The following TPMT variants were observed in gnomAD, a reference collection of about 807,000 sequenced individuals.
The protein encoded by TPMT is S-adenosyl-L-methionine:thiopurine S-methyltransferase.
In TPMT, 18 loss-of-function variants were observed where a neutral mutation model predicts 34.2. That is an observed-to-expected ratio of 0.53 (90% CI 0.36 to 0.78). The LOEUF (loss-of-function observed/expected upper bound fraction) is 0.78. TPMT is among the 30% of genes least tolerant of loss of function. The pLI, the probability that TPMT is intolerant of heterozygous loss-of-function variation, is 0.00. For synonymous variants in TPMT, 69 were observed against 92.4 expected (o/e 0.75, Z 1.45); for missense variants, 265 against 288.1 (o/e 0.92, Z 0.58).
At chr6:18,142,015 C>T (rs914476387) in intron 4 of TPMT, among the ~76,000 whole-genome samples, 12 of 152,024 alleles carry the variant, frequency 7.9e-5, no homozygotes, top group East Asian at 3.9e-4. Flanking sequence ...TAGGGTGGGG[C>T]GACCAGCCTT....
In TPMT at chr6:18,145,335, C is replaced by T. The variant is rs145771783; in HGVS notation, c.234-1607G>A. 3.3e-5 allele frequency among the ~76,000 whole-genome samples: 5 copies of T among 152,260 alleles called. No homozygotes were observed. Among genetic ancestry groups the T allele is most frequent in the African/African-American group, 7.2e-5 (3 of 41,560 alleles). Reference sequence around the variant, plus strand: ...ATAAATACTACAATATGGCACTTTACGGTGAAAAAGACCTAATGCTCACTA... The same window carrying T: ...ATAAATACTACAATATGGCACTTTATGGTGAAAAAGACCTAATGCTCACTA... On this transcript the variant is annotated intron_variant, in intron 3 of 8. Coordinates refer to ENST00000309983, the MANE Select transcript of TPMT (RefSeq NM_000367.5). The surrounding 1 kb of genome is among the most constrained non-coding windows in gnomAD (Gnocchi z 5.6).
At chr6:18,141,339 ATTTTT>A (rs531739139) in intron 4 of TPMT, among the ~76,000 whole-genome samples, 1 of 137,960 alleles carries the variant, frequency 7.2e-6, no homozygotes, top group African/African-American at 2.7e-5. Context: ...CTGAGCAACA[ATTTTT>A]TTTTTTTTTT....
Position 18,149,809 on chromosome 6 carries a change from T to C in TPMT, c.-44-638A>G, listed in dbSNP as rs1158331369. ...AGTGATAACAAAAAATTACTTTCAG[T>C]GCGTCTGGTGGTAGAATAATACCCC... is the stretch of plus-strand genomic sequence containing the variant. On this transcript the variant is annotated intron_variant, in intron 1 of 8. Transcript: ENST00000309983. This position sits in a 1 kb window ranked among gnomAD's most constrained non-coding sequence, Gnocchi z 5.0. Among the ~76,000 whole-genome samples the C allele has an allele frequency of 6.6e-6, 1 of 152,194 alleles. No individual in the cohort carries two copies. The highest frequency in any genetic ancestry group is 2.4e-5 in the African/African-American group (1 of 41,448).
rs1325593982 is a variant in TPMT, at chr6:18,140,839, A to G, written c.367-1122T>C. Among the ~76,000 whole-genome samples the G allele has an allele frequency of 6.6e-6, 1 of 152,120 alleles. No individual in the cohort carries two copies. Among genetic ancestry groups the G allele is most frequent in the Non-Finnish European group, 1.5e-5 (1 of 68,010 alleles). On this transcript the variant is annotated intron_variant, in intron 4 of 8. Coordinates refer to ENST00000309983, the MANE Select transcript of TPMT (RefSeq NM_000367.5). The surrounding 1 kb of genome is among the most constrained non-coding windows in gnomAD (Gnocchi z 4.7). The stretch of plus-strand genomic sequence containing the variant: ...GAGGGGGCAATATAACATAGACTTT[A>G]GGATCCTGGGAGCTGGGGTGAAGGG...
chr6:18,130,588 C>A lies in TPMT; in HGVS notation c.*80G>T, dbSNP rs1040880060. On this transcript the variant is annotated 3_prime_UTR_variant, in exon 9 of 9. Coordinates refer to ENST00000309983, the MANE Select transcript of TPMT (RefSeq NM_000367.5). The surrounding 1 kb of genome is among the most constrained non-coding windows in gnomAD (Gnocchi z 4.2). The stretch of plus-strand genomic sequence containing the variant: ...TTTATAAACAATTTTAAAAATTCAT[C>A]CATTACATTTTCAGGCTTTAGCATA... 2.1e-6 allele frequency: 2 copies of A among 943,142 alleles called. No individual in the cohort carries two copies. Among genetic ancestry groups the A allele is most frequent in the East Asian group, 5.0e-5 (2 of 40,094 alleles). The allele number at this position is 943,142 out of a possible 1,614,324, so 58.4% of individuals were successfully genotyped here. A position where few individuals can be genotyped will look rare whatever the true frequency, so the allele number is the denominator to read the frequency against.
At chr6:18,134,035 C>T in intron 6 of TPMT, 146 bp from the exon 7 acceptor site, 2 of 694,280 alleles carry the variant, frequency 2.9e-6, no homozygotes, top group South Asian at 3.4e-5. Flanking sequence ...GGTTGATTCT[C>T]ATTTTAAAAG....
In TPMT at chr6:18,129,479, A is replaced by G. The variant is rs1421320767; in HGVS notation, c.*1189T>C. On this transcript the variant is annotated 3_prime_UTR_variant, in exon 9 of 9. Transcript: ENST00000309983. Reference sequence around the variant, plus strand: ...CACACACACACGTAACTCGTTTTTTATAATACACAACCATCCTATTAACAT... The same window carrying G: ...CACACACACACGTAACTCGTTTTTTGTAATACACAACCATCCTATTAACAT... 1 of 152,200 alleles carries G rather than the reference A, an allele frequency of 6.6e-6. No individual in the cohort carries two copies. Among genetic ancestry groups the G allele is most frequent in the African/African-American group, 2.4e-5 (1 of 41,448 alleles). The allele number at this position is 152,200 out of a possible 1,614,324, so 9.4% of individuals were successfully genotyped here.
Position 18,139,132 on chromosome 6 carries a change from T to A in TPMT, c.420-95A>T, listed in dbSNP as rs1784094698. 9.2e-7 allele frequency: 1 copy of A among 1,092,214 alleles called. No individual in the cohort carries two copies. The highest frequency in any genetic ancestry group is 1.7e-5 in the Admixed American group (1 of 58,640). 67.7% of individuals were successfully genotyped at this position (1,092,214 alleles called of 1,614,324 possible). ...ATGGTGCATGCTGGTACTTCAACAA[T>A]CGTCAAGGTATTAGGATCTCACGTC... On this transcript the variant is annotated intron_variant, in intron 5 of 8. Coordinates refer to ENST00000309983, the MANE Select transcript of TPMT (RefSeq NM_000367.5). The surrounding 1 kb of genome is among the most constrained non-coding windows in gnomAD (Gnocchi z 4.2).
At chr6:18,144,342 T>C (rs917373351) in intron 3 of TPMT, among the ~76,000 whole-genome samples, 121 of 152,352 alleles carry the variant, frequency 7.9e-4, no homozygotes, top group African/African-American at 2.7e-3. Context: ...TATTTTATCA[T>C]ATACAAATAG....
At position 18,132,015 on chromosome 6, in the gene TPMT, G is replaced by C; in HGVS notation, c.625+118C>G. ...TGGTCTCGAACTCCTGGCCTCAGGTGATCTGCCCACCTTGGCCTCCCAAAG... is the reference window on the plus strand; with the variant it reads ...TGGTCTCGAACTCCTGGCCTCAGGTCATCTGCCCACCTTGGCCTCCCAAAG... On this transcript the variant is annotated intron_variant, in intron 8 of 8. Transcript: ENST00000309983. The surrounding 1 kb of genome is among the most constrained non-coding windows in gnomAD (Gnocchi z 4.8). 2 of 1,038,606 alleles carry C rather than the reference G, an allele frequency of 1.9e-6. No homozygotes were observed. Among genetic ancestry groups the C allele is most frequent in the Non-Finnish European group, 3.0e-6 (2 of 670,226 alleles). The allele number at this position is 1,038,606 out of a possible 1,614,324, so 64.3% of individuals were successfully genotyped here.
In TPMT at chr6:18,139,461, A is replaced by G. The variant is rs1418023235; in HGVS notation, c.419+204T>C. Among the ~76,000 whole-genome samples the G allele has an allele frequency of 6.6e-6, 1 of 152,170 alleles. No homozygotes were observed. The highest frequency in any genetic ancestry group is 1.5e-5 in the Non-Finnish European group (1 of 68,026). On this transcript the variant is annotated intron_variant, in intron 5 of 8. Transcript: ENST00000309983. This position sits in a 1 kb window ranked among gnomAD's most constrained non-coding sequence, Gnocchi z 4.2. ...TTCCCTAGCTGCCTCAGTTTCCCAT[A>G]GTTTGGGAGCTAACCAAAGACAAAA...
rs1373431498 is a variant in TPMT, at chr6:18,145,371, G to C, written c.234-1643C>G. 6.6e-6 allele frequency among the ~76,000 whole-genome samples: 1 copy of C among 152,188 alleles called. No homozygotes were observed. Among genetic ancestry groups the C allele is most frequent in the Admixed American group, 6.5e-5 (1 of 15,280 alleles). On this transcript the variant is annotated intron_variant, in intron 3 of 8. Transcript: ENST00000309983. The surrounding 1 kb of genome is among the most constrained non-coding windows in gnomAD (Gnocchi z 5.6). Reference sequence around the variant, plus strand: ...ACCTAATGCTCACTAAGGTAGCTGGGGGATGTTGGTGCATTCCATCTATTC... The same window carrying C: ...ACCTAATGCTCACTAAGGTAGCTGGCGGATGTTGGTGCATTCCATCTATTC...
rs767812417 is a variant in TPMT at position 18,139,079 on chromosome 6, A to G, written c.420-42T>C. On this transcript the variant is annotated intron_variant, in intron 5 of 8. Coordinates refer to ENST00000309983, the MANE Select transcript of TPMT (RefSeq NM_000367.5). This position sits in a 1 kb window ranked among gnomAD's most constrained non-coding sequence, Gnocchi z 4.2. ...AAACATTTTATGGGAGAAAAATCAA[A>G]TCTTTAAGAAGATGAGCAGCGTCCC... 30 of 1,561,950 alleles carry G rather than the reference A, an allele frequency of 1.9e-5. No individual in the cohort carries two copies. The Admixed American group carries it at 4.3e-4, about 23-fold the overall frequency.
At chr6:18,137,468 C>T (rs1014007133) in intron 6 of TPMT, among the ~76,000 whole-genome samples, 2 of 152,126 alleles carry the variant, frequency 1.3e-5, no homozygotes, top group Non-Finnish European at 2.9e-5. Flanking sequence ...CTGCTCCATA[C>T]AACTAAGTAA....
chr6:18,132,741 T>G lies in TPMT; in HGVS notation c.581-564A>C, dbSNP rs1324794690. Reference sequence around the variant, plus strand: ...TTCCATTTGATTGTCTCTGATTTAATTAGGGACACTAGGTCTCATCTTTTA... The same window carrying G: ...TTCCATTTGATTGTCTCTGATTTAAGTAGGGACACTAGGTCTCATCTTTTA... On this transcript the variant is annotated intron_variant, in intron 7 of 8. Coordinates refer to ENST00000309983, the MANE Select transcript of TPMT (RefSeq NM_000367.5). This position sits in a 1 kb window ranked among gnomAD's most constrained non-coding sequence, Gnocchi z 4.8. 6.6e-6 allele frequency among the ~76,000 whole-genome samples: 1 copy of G among 152,082 alleles called. No individual in the cohort carries two copies. Among genetic ancestry groups the G allele is most frequent in the Non-Finnish European group, 1.5e-5 (1 of 68,024 alleles).
rs1784254421 is a variant in TPMT at position 18,146,743 on chromosome 6, C to T, written c.233+1080G>A. On this transcript the variant is annotated intron_variant, in intron 3 of 8. Coordinates refer to ENST00000309983, the MANE Select transcript of TPMT (RefSeq NM_000367.5). The surrounding 1 kb of genome is among the most constrained non-coding windows in gnomAD (Gnocchi z 6.2). ...TATGTCATAATATAGTTTAAATATT[C>T]TCAATTTCATGACCACACTTGAATC... Among the ~76,000 whole-genome samples the T allele has an allele frequency of 6.6e-6, 1 of 151,986 alleles. No homozygotes were observed. Among genetic ancestry groups the T allele is most frequent in the African/African-American group, 2.4e-5 (1 of 41,374 alleles).
At position 18,135,816 on chromosome 6, in the gene TPMT, C is replaced by T. The variant is rs931082762; in HGVS notation, c.495-1927G>A. Among the ~76,000 whole-genome samples, 2 of 152,022 alleles carry T rather than the reference C, an allele frequency of 1.3e-5. No homozygotes were observed. The highest frequency in any genetic ancestry group is 2.9e-5 in the Non-Finnish European group (2 of 67,994). Reference sequence around the variant, plus strand: ...CCCAGAAGGCAGGGGTTGCAGTGAGCCGAGATCATGCCATTGCACTCCAGC... The same window carrying T: ...CCCAGAAGGCAGGGGTTGCAGTGAGTCGAGATCATGCCATTGCACTCCAGC... On this transcript the variant is annotated intron_variant, in intron 6 of 8. Transcript: ENST00000309983. This position sits in a 1 kb window ranked among gnomAD's most constrained non-coding sequence, Gnocchi z 5.0.
intron 4 of TPMT, among the ~76,000 whole-genome samples, chr6:18,142,015 C>A (rs914476387): frequency 5.3e-5 from 8 of 152,024 alleles, no homozygotes; most frequent in Admixed American, 2.6e-4. Context: ...TAGGGTGGGG[C>A]GACCAGCCTT....
chr6:18,133,848 T>G lies in TPMT; in HGVS notation c.536A>C (p.Gln179Pro). 6.2e-7 allele frequency: 1 copy of G among 1,612,832 alleles called. No homozygotes were observed. Among genetic ancestry groups the G allele is most frequent in the South Asian group, 1.1e-5 (1 of 91,026 alleles). Residue 179 changes from glutamine (Q) to proline (P), a missense_variant, in exon 7 of 9, where the codon CAG becomes CCG. Transcript: ENST00000309983. The stretch of plus-strand genomic sequence containing the variant: ...ATAAGAAAGAACACACAGGAGATAC[T>G]GAAACTTCTTTCCCAGGAGGGAAAA... ...TMFSLLGKKF[Q>P]YLLCVLSYDP...
Sources: gnomAD v4.1 joint callset for allele counts (sites outside exome capture counted in the v4.1 genomes callset) on GRCh38, gnomAD v4.1.1 for gene constraint, Gnocchi (gnomAD v3.1) non-coding constraint, MANE v1.5 for transcripts, NCBI Gene and HGNC (gene_info 2026-07-23, HGNC 2026-07-21) for gene names.